The following NUBPL variants were observed in gnomAD, a reference collection of about 807,000 sequenced individuals.
NUBPL encodes iron-sulfur cluster transfer protein NUBPL.
NUBPL carries 31 observed loss-of-function variants against 45.7 expected under a neutral mutation model. The ratio of observed to expected loss-of-function variants is 0.68; its 90% confidence interval spans 0.51 to 0.92. NUBPL has a LOEUF of 0.92. NUBPL is among the 40% of genes least tolerant of loss of function. The pLI, the probability that NUBPL is intolerant of heterozygous loss-of-function variation, is 0.00. For synonymous variants in NUBPL, 144 were observed against 140.9 expected (o/e 1.02, Z -0.15); for missense variants, 401 against 398.7 (o/e 1.01, Z -0.05).
chr14:31,702,250 A>G (rs1300731882), intron 6 of NUBPL, among the ~76,000 whole-genome samples: 1 of 152,214 alleles, frequency 6.6e-6, no homozygotes, highest in Non-Finnish European at 1.5e-5. Flanking sequence ...GTATGATAAT[A>G]CGGGTGTAGC....
intron 2 of NUBPL, among the ~76,000 whole-genome samples, chr14:31,562,599 TTTTTG>T (rs1367622527): frequency 1.7e-3 from 208 of 125,244 alleles, no homozygotes; most frequent in African/African-American, 6.1e-3. Context: ...TAACTTTTTT[TTTTTG>T]TTTTTTTTTT....
At chr14:31,603,914 A>C (rs929965474) in intron 4 of NUBPL, among the ~76,000 whole-genome samples, 1 of 152,168 alleles carries the variant, frequency 6.6e-6, no homozygotes, top group African/African-American at 2.4e-5. Context: ...ACTTTAAATG[A>C]TAGATTCATT....
chr14:31,630,346 C>G (rs949419522), intron 4 of NUBPL, among the ~76,000 whole-genome samples: 2 of 152,110 alleles, frequency 1.3e-5, no homozygotes, highest in African/African-American at 2.4e-5. Flanking sequence ...GGAAGATAGT[C>G]AATAGATCCC....
intron 3 of NUBPL, among the ~76,000 whole-genome samples, chr14:31,581,670 A>C (rs979372921): frequency 6.6e-6 from 1 of 152,224 alleles, no homozygotes; most frequent in South Asian, 2.1e-4. Flanking sequence ...GTTAAAAATC[A>C]GTTCTCCTTT....
chr14:31,694,038 G>A (rs1441291974), intron 6 of NUBPL, among the ~76,000 whole-genome samples: 1 of 151,788 alleles, frequency 6.6e-6, no homozygotes, highest in Admixed American at 6.6e-5. Context: ...TGTATTTTTA[G>A]TAGAGACAGG....
chr14:31,636,316 G>A (rs1031934062), intron 4 of NUBPL, among the ~76,000 whole-genome samples: 3 of 151,814 alleles, frequency 2.0e-5, no homozygotes, highest in African/African-American at 7.3e-5. Flanking sequence ...GTTGAATTTT[G>A]TCAAAGGCCT....
chr14:31,571,829 G>A (rs142576559), intron 3 of NUBPL, among the ~76,000 whole-genome samples: 31 of 152,274 alleles, frequency 2.0e-4, no homozygotes, highest in African/African-American at 6.7e-4. Context: ...ATTCTGATAA[G>A]TTTTATAATA....
chr14:31,708,709 A>G (rs971639559), intron 6 of NUBPL, among the ~76,000 whole-genome samples: 8 of 152,120 alleles, frequency 5.3e-5, no homozygotes, highest in Non-Finnish European at 1.0e-4. Flanking sequence ...CCTGGCCCTC[A>G]ATGGTTAAAG....
At chr14:31,713,278 A>C (rs1459516347) in intron 6 of NUBPL, among the ~76,000 whole-genome samples, 1 of 152,152 alleles carries the variant, frequency 6.6e-6, no homozygotes, top group Non-Finnish European at 1.5e-5. Flanking sequence ...TATCCCCTTG[A>C]AGTATTCATC....
intron 6 of NUBPL, among the ~76,000 whole-genome samples, chr14:31,696,894 A>G (rs1256106526): frequency 3.3e-5 from 5 of 152,252 alleles, no homozygotes; most frequent in Non-Finnish European, 5.9e-5. Flanking sequence ...AAGTAAAAAT[A>G]TAAGAGAAAA....
chr14:31,830,476 C>T (rs144479888), intron 8 of NUBPL, among the ~76,000 whole-genome samples: 3 of 152,272 alleles, frequency 2.0e-5, no homozygotes, highest in East Asian at 3.9e-4. Context: ...TGTAATTTTA[C>T]ACATCCTGGT....
At chr14:31,817,933 A>G (rs1306502925) in intron 7 of NUBPL, among the ~76,000 whole-genome samples, 1 of 152,178 alleles carries the variant, frequency 6.6e-6, no homozygotes, top group African/African-American at 2.4e-5. Flanking sequence ...GTGCAAAGAC[A>G]CACATAGGCT....
intron 7 of NUBPL, among the ~76,000 whole-genome samples, chr14:31,815,321 C>T (rs1246345327): frequency 6.6e-6 from 1 of 152,008 alleles, no homozygotes; most frequent in Non-Finnish European, 1.5e-5. Context: ...GGAGTTCACT[C>T]ATGGTTTGGC....
intron 4 of NUBPL, among the ~76,000 whole-genome samples, chr14:31,634,011 T>C (rs1681119279): frequency 6.6e-6 from 1 of 152,130 alleles, no homozygotes; most frequent in African/African-American, 2.4e-5. Flanking sequence ...GAATGCACTT[T>C]TAGTCACCCA....
chr14:31,677,015 T>TA (rs1186647831), intron 6 of NUBPL, among the ~76,000 whole-genome samples: 1 of 151,994 alleles, frequency 6.6e-6, no homozygotes, highest in African/African-American at 2.4e-5. Flanking sequence ...TGTATTTATT[T>TA]TTTTTTCTTT....
chr14:31,743,153 CA>C (rs1322047313), intron 6 of NUBPL, among the ~76,000 whole-genome samples: 10 of 152,222 alleles, frequency 6.6e-5, no homozygotes, highest in African/African-American at 2.4e-4. Flanking sequence ...CTCCTTCTTA[CA>C]GTATATTCTT....
At chr14:31,729,498 A>G (rs1197038467) in intron 6 of NUBPL, among the ~76,000 whole-genome samples, 1 of 152,166 alleles carries the variant, frequency 6.6e-6, no homozygotes, top group African/African-American at 2.4e-5. Context: ...AGAAACCTAC[A>G]TTTGAATGTA....
intron 4 of NUBPL, among the ~76,000 whole-genome samples, chr14:31,632,777 A>G (rs2139666728): frequency 6.6e-6 from 1 of 152,188 alleles, no homozygotes; most frequent in South Asian, 2.1e-4. Context: ...AAGTTTGCCC[A>G]TTGTAGTAAT....
chr14:31,779,930 A>T (rs2039161811), intron 6 of NUBPL, among the ~76,000 whole-genome samples: 1 of 152,130 alleles, frequency 6.6e-6, no homozygotes, highest in African/African-American at 2.4e-5. Context: ...GACAGTTTTC[A>T]TTCACTCCCT....
Sources: allele counts gnomAD v4.1 joint callset (sites outside exome capture counted in the v4.1 genomes callset), GRCh38; gene constraint gnomAD v4.1.1; transcripts MANE v1.5; gene names NCBI Gene and HGNC (gene_info 2026-07-23, HGNC 2026-07-21).